NLK: variants seen among roughly 807,000 people sequenced by gnomAD.
NLK encodes serine/threonine-protein kinase NLK.
A neutral mutation model predicts 59.0 loss-of-function variants in NLK; 11 were observed. The ratio of observed to expected loss-of-function variants is 0.19; its 90% CI spans 0.12 to 0.31. The LOEUF is 0.31. Among genes scored for constraint, NLK ranks in the 10% least tolerant of loss-of-function variants. The pLI, the probability that NLK is intolerant of heterozygous loss-of-function variation, is 1.00. For synonymous variants in NLK, 235 were observed against 235.9 expected (o/e 1.00, Z 0.03); for missense variants, 410 against 661.1 (o/e 0.62, Z 4.16).
At chr17:28,069,436 T>C (rs934860753) in intron 1 of NLK, among the ~76,000 whole-genome samples, 1 of 152,210 alleles carries the variant, frequency 6.6e-6, no homozygotes, top group African/African-American at 2.4e-5. Flanking sequence ...AGAGTACATA[T>C]ATATTTAACT....
At chr17:28,189,640 A>G (rs1180706401) in intron 8 of NLK, among the ~76,000 whole-genome samples, 1 of 152,242 alleles carries the variant, frequency 6.6e-6, no homozygotes, top group Non-Finnish European at 1.5e-5. Context: ...GCCTGGGATC[A>G]GGCACATACA....
intron 1 of NLK, among the ~76,000 whole-genome samples, chr17:28,078,491 G>C (rs1910240186): frequency 6.6e-6 from 1 of 152,098 alleles, no homozygotes; most frequent in South Asian, 2.1e-4. Flanking sequence ...GGAAATTGTT[G>C]AAGACTTTGT....
intron 3 of NLK, among the ~76,000 whole-genome samples, chr17:28,147,196 A>T (rs547205587): frequency 6.6e-6 from 1 of 152,074 alleles, no homozygotes; most frequent in South Asian, 2.1e-4. Flanking sequence ...GTGTTTATTG[A>T]TGCTAATGAT....
intron 1 of NLK, among the ~76,000 whole-genome samples, chr17:28,095,061 G>A (rs533220076): frequency 2.6e-5 from 4 of 152,190 alleles, no homozygotes; most frequent in Admixed American, 2.6e-4. Flanking sequence ...CTCCTTACCA[G>A]AATAAAATTA....
chr17:28,084,178 A>G (rs1910436978), intron 1 of NLK, among the ~76,000 whole-genome samples: 1 of 152,192 alleles, frequency 6.6e-6, no homozygotes, highest in Non-Finnish European at 1.5e-5. Context: ...ACCTTCTTTT[A>G]ACTACCTATG....
In NLK at chr17:28,043,024, C is replaced by T. The variant is rs1203411505; in HGVS notation, c.151C>T (p.His51Tyr). The T allele has an allele frequency of 6.4e-7, 1 of 1,556,512 alleles. No individual in the cohort carries two copies. The highest frequency in any genetic ancestry group is 2.0e-5 in the Admixed American group (1 of 51,258). Residue 51 changes from histidine (H) to tyrosine (Y), a missense_variant, in exon 1 of 11, where the codon CAC becomes TAC. Physicochemically the swap from His to Tyr is moderately conservative, Grantham distance 83 (BLOSUM62 2). Around this residue, in one of 5 missense-constraint regions of NLK, gnomAD observed 160 missense variants for 171.0 expected, o/e 0.94. Transcript: ENST00000407008. ...CCTGCACCACCACCACCACCCTCAA[C>T]ACCATCTTCATCCGGGGTCGGCTGC... ...PHLHHHHHPQ[H>Y]HLHPGSAAAV...
chr17:28,107,092 A>G (rs1460273726), intron 1 of NLK, among the ~76,000 whole-genome samples: 1 of 152,210 alleles, frequency 6.6e-6, no homozygotes, highest in African/African-American at 2.4e-5. Context: ...AGAAAATTGG[A>G]TGGAATCACT....
chr17:28,120,995 A>G (rs1035167025), intron 1 of NLK, among the ~76,000 whole-genome samples: 4 of 152,240 alleles, frequency 2.6e-5, no homozygotes, highest in Non-Finnish European at 4.4e-5. Context: ...CTAGTATTGT[A>G]TCTGTTGCAG....
chr17:28,205,729 A>T, the NLK span, among the ~76,000 whole-genome samples: 61 of 151,954 alleles, frequency 4.0e-4, 1 homozygote, highest in South Asian at 2.1e-3. Flanking sequence ...CTGTTTCTTT[A>T]TATTTAGCTT....
chr17:28,093,912 C>G (rs1431190775), intron 1 of NLK, among the ~76,000 whole-genome samples: 1 of 152,116 alleles, frequency 6.6e-6, no homozygotes, highest in Non-Finnish European at 1.5e-5. Context: ...ATTCTGTTGT[C>G]AGACTGCCTT....
the NLK span, among the ~76,000 whole-genome samples, chr17:28,204,478 G>C: frequency 6.6e-6 from 1 of 152,360 alleles, no homozygotes. Context: ...ATGTGCATGT[G>C]TGTGTATGTG....
chr17:28,118,383 T>G (rs1248648638), intron 1 of NLK, among the ~76,000 whole-genome samples: 2 of 152,184 alleles, frequency 1.3e-5, no homozygotes, highest in Non-Finnish European at 2.9e-5. Context: ...GTATTTGCTT[T>G]GAATAGCTAA....
intron 1 of NLK, among the ~76,000 whole-genome samples, chr17:28,095,613 T>C (rs1325075328): frequency 6.6e-6 from 1 of 152,220 alleles, no homozygotes; most frequent in Non-Finnish European, 1.5e-5. Context: ...TTATTACTGA[T>C]GCAGATTATC....
At chr17:28,091,237 G>T (rs1040990570) in intron 1 of NLK, among the ~76,000 whole-genome samples, 2 of 151,986 alleles carry the variant, frequency 1.3e-5, no homozygotes, top group Admixed American at 6.6e-5. Flanking sequence ...TATTTTTATG[G>T]CTACAGTCAT....
At chr17:28,045,602 G>A (rs1183673614) in intron 1 of NLK, among the ~76,000 whole-genome samples, 1 of 152,174 alleles carries the variant, frequency 6.6e-6, no homozygotes, top group East Asian at 1.9e-4. Context: ...AAAAAGGAAA[G>A]AGTTCCAGGT....
intron 2 of NLK, among the ~76,000 whole-genome samples, chr17:28,127,285 A>G (rs1046629148): frequency 2.6e-5 from 4 of 152,218 alleles, no homozygotes; most frequent in South Asian, 4.1e-4. Context: ...GAGGGCTAGA[A>G]TGAGACAAAG....
intron 3 of NLK, among the ~76,000 whole-genome samples, chr17:28,153,488 C>A (rs902219430): frequency 2.6e-5 from 4 of 152,112 alleles, no homozygotes; most frequent in Non-Finnish European, 1.5e-5. Context: ...AAAGAACTAA[C>A]AAACTCCATT....
chr17:28,121,047 TAGAA>T (rs776412018), intron 1 of NLK, among the ~76,000 whole-genome samples: 38 of 152,296 alleles, frequency 2.5e-4, no homozygotes, highest in South Asian at 4.1e-4. Flanking sequence ...ATTAATAACT[TAGAA>T]AGAGACATTA....
At chr17:28,107,231 C>G (rs563421891) in intron 1 of NLK, among the ~76,000 whole-genome samples, 1 of 151,850 alleles carries the variant, frequency 6.6e-6, no homozygotes, top group Non-Finnish European at 1.5e-5. Flanking sequence ...GTCAGGAGTT[C>G]AAGACCAGCC....
Sources: allele counts gnomAD v4.1 joint callset (sites outside exome capture counted in the v4.1 genomes callset), GRCh38; gene constraint gnomAD v4.1.1; regional missense constraint gnomAD v4.1.1; transcripts MANE v1.5; gene names NCBI Gene and HGNC (gene_info 2026-07-23, HGNC 2026-07-21).